The following CADPS2 variants were observed in gnomAD, a reference collection of about 807,000 sequenced individuals.
The protein encoded by CADPS2 is calcium dependent secretion activator 2.
In CADPS2, 93 loss-of-function variants were observed where a neutral mutation model predicts 172.5. The observed-to-expected ratio is 0.54, with a 90% CI of 0.46 to 0.64. CADPS2 has a LOEUF of 0.64. CADPS2 is among the 30% of genes least tolerant of loss of function. CADPS2 has a pLI of 0.00. For missense variants in CADPS2, 1,420 were observed against 1,565.9 expected (o/e 0.91, Z 1.57); for synonymous variants, 546 against 555.2 (o/e 0.98, Z 0.23).
At chr7:122,804,599 G>T (rs551798198) in intron 1 of CADPS2, among the ~76,000 whole-genome samples, 1 of 152,102 alleles carries the variant, frequency 6.6e-6, no homozygotes, top group Non-Finnish European at 1.5e-5. Context: ...AAAAAGATGC[G>T]AAATTTAAGC....
intron 9 of CADPS2, among the ~76,000 whole-genome samples, chr7:122,498,331 T>A (rs2058922664): frequency 6.6e-6 from 1 of 152,180 alleles, no homozygotes; most frequent in South Asian, 2.1e-4. Flanking sequence ...TTCTAGGAGT[T>A]AAAGAGTTAT....
At chr7:122,853,086 C>T (rs1814134821) in intron 1 of CADPS2, among the ~76,000 whole-genome samples, 1 of 152,216 alleles carries the variant, frequency 6.6e-6, no homozygotes, top group African/African-American at 2.4e-5. Flanking sequence ...GCCTTGGCCT[C>T]AGTGCCAGTC....
chr7:122,769,464 C>T (rs2093648790), intron 1 of CADPS2, among the ~76,000 whole-genome samples: 1 of 152,010 alleles, frequency 6.6e-6, no homozygotes, highest in African/African-American at 2.4e-5. Context: ...AAATACGTCA[C>T]CTACATCCCC....
intron 1 of CADPS2, among the ~76,000 whole-genome samples, chr7:122,828,513 A>G (rs1295878437): frequency 6.6e-6 from 1 of 152,124 alleles, no homozygotes; most frequent in Non-Finnish European, 1.5e-5. Flanking sequence ...ACTTTAAAAT[A>G]TCATTGTCTT....
rs2031945558 is a variant in CADPS2, at chr7:122,319,523, G to A, written c.*642C>T. On this transcript the variant is annotated 3_prime_UTR_variant, in exon 30 of 30. Coordinates refer to ENST00000449022, the MANE Select transcript of CADPS2 (RefSeq NM_017954.11). ...ACTTATAGTTGAAAGAAGAAATGTT[G>A]AGAATGGAACAAAGACACAAACCCA... 1 of 152,096 alleles carries A rather than the reference G, an allele frequency of 6.6e-6. No homozygotes were observed. The highest frequency in any genetic ancestry group is 6.6e-5 in the Admixed American group (1 of 15,260). The allele number at this position is 152,096 out of a possible 1,614,324, so 9.4% of individuals were successfully genotyped here.
At chr7:122,521,686 T>G (rs2060810250) in intron 8 of CADPS2, among the ~76,000 whole-genome samples, 1 of 152,062 alleles carries the variant, frequency 6.6e-6, no homozygotes, top group African/African-American at 2.4e-5. Flanking sequence ...TGTGGAGAAA[T>G]TATGACTAAA....
intron 1 of CADPS2, among the ~76,000 whole-genome samples, chr7:122,809,120 T>C (rs1408901026): frequency 6.6e-6 from 1 of 152,192 alleles, no homozygotes; most frequent in Middle Eastern, 3.2e-3. Flanking sequence ...TTTCTGTATA[T>C]ACATTGTATA....
intron 1 of CADPS2, among the ~76,000 whole-genome samples, chr7:122,812,869 A>G (rs1476464620): frequency 6.6e-6 from 1 of 152,190 alleles, no homozygotes; most frequent in African/African-American, 2.4e-5. Context: ...ACAGTGCACT[A>G]GTACAAACTT....
intron 2 of CADPS2, among the ~76,000 whole-genome samples, chr7:122,705,969 A>T (rs868531517): frequency 5.4e-4 from 2 of 3,682 alleles, no homozygotes; most frequent in African/African-American, 8.6e-4. Context: ...TATATAATAT[A>T]ATATAATATA....
At chr7:122,818,476 C>G (rs1230851154) in intron 1 of CADPS2, among the ~76,000 whole-genome samples, 1 of 152,074 alleles carries the variant, frequency 6.6e-6, no homozygotes, top group Non-Finnish European at 1.5e-5. Flanking sequence ...CAGTGCAACT[C>G]GTCCCAAATC....
intron 23 of CADPS2, among the ~76,000 whole-genome samples, chr7:122,387,921 G>A (rs749826194): frequency 1.8e-4 from 27 of 151,980 alleles, no homozygotes; most frequent in Non-Finnish European, 3.7e-4. Flanking sequence ...TCTAACCAGT[G>A]TTTGAACACT....
At chr7:122,621,103 T>C (rs763847194) in intron 5 of CADPS2, among the ~76,000 whole-genome samples, 33 of 152,104 alleles carry the variant, frequency 2.2e-4, no homozygotes, top group Non-Finnish European at 4.1e-4. Flanking sequence ...GGTCTCACTA[T>C]GTTGCCTAGG....
chr7:122,731,264 T>G (rs1053265170), intron 2 of CADPS2, among the ~76,000 whole-genome samples: 4 of 151,544 alleles, frequency 2.6e-5, no homozygotes, highest in African/African-American at 9.7e-5. Flanking sequence ...TTTAAGAAGC[T>G]CTAGCATCCA....
intron 8 of CADPS2, among the ~76,000 whole-genome samples, chr7:122,530,111 T>G (rs2061630410): frequency 6.6e-6 from 1 of 152,056 alleles, no homozygotes; most frequent in Non-Finnish European, 1.5e-5. Flanking sequence ...GAAGATATTA[T>G]AAAAGGTAAA....
chr7:122,439,484 C>T (rs752394770), intron 16 of CADPS2: 1 of 152,122 alleles, frequency 6.6e-6, no homozygotes, highest in Non-Finnish European at 1.5e-5. Flanking sequence ...CCATTTCATG[C>T]TGTATTATTT....
chr7:122,680,467 A>C (rs2082903586), intron 2 of CADPS2, among the ~76,000 whole-genome samples: 2 of 152,146 alleles, frequency 1.3e-5, no homozygotes, highest in South Asian at 4.1e-4. Context: ...TAATCCCAGC[A>C]CTTTGGGAGA....
At chr7:122,702,611 T>C (rs551482144) in intron 2 of CADPS2, 1 of 1,613,606 alleles carries the variant, frequency 6.2e-7, no homozygotes, top group Admixed American at 1.7e-5. Flanking sequence ...ATTTCCAACC[T>C]GAAATGTTAT....
At chr7:122,334,991 A>T (rs1357153974) in intron 28 of CADPS2, among the ~76,000 whole-genome samples, 2 of 152,220 alleles carry the variant, frequency 1.3e-5, no homozygotes, top group African/African-American at 4.8e-5. Flanking sequence ...TAAATAATTA[A>T]TAAGAGGGGT....
At chr7:122,744,970 C>CA (rs571511713) in intron 1 of CADPS2, among the ~76,000 whole-genome samples, 1 of 147,872 alleles carries the variant, frequency 6.8e-6, no homozygotes, top group Admixed American at 6.8e-5. Context: ...TCTCATTTTT[C>CA]TTTTTTTTTT....
Sources: allele counts gnomAD v4.1 joint callset (sites outside exome capture counted in the v4.1 genomes callset), GRCh38; gene constraint gnomAD v4.1.1; transcripts MANE v1.5; gene names NCBI Gene and HGNC (gene_info 2026-07-23, HGNC 2026-07-21).